The following DPP6 variants were observed in gnomAD, a reference collection of about 807,000 sequenced individuals.
DPP6 encodes the protein A-type potassium channel modulatory protein DPP6.
In DPP6, 69 loss-of-function variants were observed where a neutral mutation model predicts 122.6. The observed-to-expected ratio is 0.56, with a 90% CI of 0.46 to 0.69. DPP6 has a LOEUF of 0.69. DPP6 is among the 30% of genes least tolerant of loss of function. The pLI, the probability that DPP6 is intolerant of heterozygous loss-of-function variation, is 0.00. For missense variants in DPP6, 928 were observed against 1,116.9 expected (o/e 0.83, Z 2.41); for synonymous variants, 418 against 433.1 (o/e 0.97, Z 0.43).
chr7:154,798,264 C>T (rs1798161801), intron 12 of DPP6, among the ~76,000 whole-genome samples: 1 of 152,208 alleles, frequency 6.6e-6, no homozygotes, highest in Non-Finnish European at 1.5e-5. Context: ...ACTTCATTAG[C>T]TCTACAGAGT....
chr7:154,596,683 G>A (rs1833114415), intron 5 of DPP6, among the ~76,000 whole-genome samples: 1 of 152,186 alleles, frequency 6.6e-6, no homozygotes, highest in Non-Finnish European at 1.5e-5. Context: ...CCAGAGGAGA[G>A]GAGCATTGAA....
chr7:154,305,362 C>CCCCCAAA, intron 1 of DPP6: 1 of 1,066,398 alleles, frequency 9.4e-7, no homozygotes, highest in Non-Finnish European at 1.1e-6. Context: ...CCATCCTCCC[C>CCCCCAAA]AAAATAGCCT....
chr7:154,450,537 T>C (rs1820268303), intron 2 of DPP6, among the ~76,000 whole-genome samples: 2 of 145,060 alleles, frequency 1.4e-5, no homozygotes, highest in South Asian at 4.4e-4. Flanking sequence ...TAAAAACTTG[T>C]GTAACTCCAA....
chr7:154,390,655 C>A (rs1563591602), intron 1 of DPP6, among the ~76,000 whole-genome samples: 1 of 152,094 alleles, frequency 6.6e-6, no homozygotes, highest in East Asian at 1.9e-4. Flanking sequence ...GAACCTGGAC[C>A]CTTCAAAGAG....
intron 1 of DPP6, among the ~76,000 whole-genome samples, chr7:154,172,362 T>G (rs1563275710): frequency 6.6e-6 from 1 of 152,172 alleles, no homozygotes; most frequent in Non-Finnish European, 1.5e-5. Flanking sequence ...AAATGTGACT[T>G]GAGCAGCCTG....
chr7:154,388,340 A>G (rs897500585), intron 1 of DPP6, among the ~76,000 whole-genome samples: 2 of 152,322 alleles, frequency 1.3e-5, no homozygotes, highest in Admixed American at 1.3e-4. Context: ...GGTTTAAACA[A>G]TTATCTAAAC....
In DPP6 at chr7:154,052,461, G is replaced by A. The variant is rs1258490457; in HGVS notation, c.-360G>A. 1.5e-5 allele frequency: 4 copies of A among 264,246 alleles called. No homozygotes were observed. In the East Asian group the frequency reaches 4.9e-4, roughly 33 times the overall value. The allele number at this position is 264,246 out of a possible 1,614,324, so 16.4% of individuals were successfully genotyped here. On this transcript the variant is annotated 5_prime_UTR_variant, in exon 1 of 26. The change abolishes an upstream ATG in the 5' untranslated region. Transcript: ENST00000377770. The surrounding 1 kb of genome is among the most constrained non-coding windows in gnomAD (Gnocchi z 4.8). ...GGCCTAGGCATTTCCCTCGCTTTAT[G>A]TTTTTGGTTTTTTTTCTTCCTTCAA... is the stretch of plus-strand genomic sequence containing the variant.
intron 3 of DPP6, among the ~76,000 whole-genome samples, chr7:154,496,644 A>G (rs1367453103): frequency 6.6e-6 from 1 of 152,220 alleles, no homozygotes; most frequent in Non-Finnish European, 1.5e-5. Context: ...CCTCTTCAAC[A>G]GAAAGGGGAA....
intron 1 of DPP6, among the ~76,000 whole-genome samples, chr7:154,336,588 A>G (rs1265150180): frequency 6.6e-6 from 1 of 152,180 alleles, no homozygotes; most frequent in African/African-American, 2.4e-5. Context: ...ACCTTGGAGT[A>G]TGATTCAAAG....
intron 8 of DPP6, among the ~76,000 whole-genome samples, chr7:154,737,448 A>G (rs545852695): frequency 3.3e-5 from 5 of 152,312 alleles, no homozygotes; most frequent in African/African-American, 1.2e-4. Context: ...AATAGTTGAT[A>G]TGCTGTATTT....
chr7:154,385,056 T>C (rs948063242), intron 1 of DPP6, among the ~76,000 whole-genome samples: 3 of 152,174 alleles, frequency 2.0e-5, no homozygotes, highest in East Asian at 1.9e-4. Flanking sequence ...CGGCAAGCTC[T>C]GCCTCCCAGG....
chr7:153,882,107 G>A (rs1798774560), upstream of DPP6, among the ~76,000 whole-genome samples: 1 of 152,198 alleles, frequency 6.6e-6, no homozygotes. Context: ...ATGATTGAGA[G>A]AAGCTAAAAA....
chr7:154,640,409 C>T (rs11765542), intron 6 of DPP6, among the ~76,000 whole-genome samples: 9,289 of 152,226 alleles, frequency 0.061, 357 homozygotes, highest in Non-Finnish European at 0.082. Context: ...TATTGGAAAA[C>T]AACCTCTGGG....
rs114015421 is a variant in DPP6 at position 154,517,271 on chromosome 7, C to T, written c.458-23261C>T. On this transcript the variant is annotated intron_variant, in intron 3 of 25. Coordinates refer to ENST00000377770, the MANE Select transcript of DPP6 (RefSeq NM_130797.4). ...TCAAGGGAAAGGAACAAAATCAGAT[C>T]CCAGTTGTAACACTCATTGCAGCAT... Among the ~76,000 whole-genome samples, 782 of 152,254 alleles carry T rather than the reference C, an allele frequency of 5.1e-3. 9 individuals are homozygous for T. Among genetic ancestry groups the T allele is most frequent in the African/African-American group, 0.017 (723 of 41,540 alleles).
rs190038042 is a variant in DPP6 at position 154,347,175 on chromosome 7, T to G, written c.244-99039T>G. Among the ~76,000 whole-genome samples, 30 of 152,354 alleles carry G rather than the reference T, an allele frequency of 2.0e-4. No individual in the cohort carries two copies. The East Asian group carries it at 5.6e-3, about 28-fold the overall frequency. On this transcript the variant is annotated intron_variant, in intron 1 of 25. Coordinates refer to ENST00000377770, the MANE Select transcript of DPP6 (RefSeq NM_130797.4). ...CATGTAACGTACAGGAGACCTGTTC[T>G]TAGCATTTACCATTATCCTTCCAGT...
At chr7:154,309,073 C>T (rs902982803) in intron 1 of DPP6, among the ~76,000 whole-genome samples, 1 of 152,228 alleles carries the variant, frequency 6.6e-6, no homozygotes, top group African/African-American at 2.4e-5. Flanking sequence ...AGTTCATGCT[C>T]TCGTGCTGAG....
the DPP6 span, among the ~76,000 whole-genome samples, chr7:153,766,736 C>T: frequency 6.6e-6 from 1 of 151,946 alleles, no homozygotes; most frequent in Non-Finnish European, 1.5e-5. Context: ...GAGGCAACCT[C>T]GCTAGAATCA....
chr7:154,648,098 A>AC (rs1836616015), intron 6 of DPP6, among the ~76,000 whole-genome samples: 1 of 151,522 alleles, frequency 6.6e-6, no homozygotes, highest in South Asian at 2.1e-4. Context: ...TAAAATTAAA[A>AC]AAAAAAAAAA....
chr7:154,573,217 G>A lies in DPP6; in HGVS notation c.627+6301G>A, dbSNP rs1332106635. Among the ~76,000 whole-genome samples the A allele has an allele frequency of 2.0e-5, 3 of 152,120 alleles. No homozygotes were observed. The East Asian group carries it at 5.8e-4, about 29-fold the overall frequency. ...CAGTTGATCCAAGCGTTTTCTGCTG[G>A]ACGAAGGCCTTGCACATTCTCATGT... On this transcript the variant is annotated intron_variant, in intron 5 of 25. Transcript: ENST00000377770.
Sources: allele counts gnomAD v4.1 joint callset (sites outside exome capture counted in the v4.1 genomes callset), GRCh38; gene constraint gnomAD v4.1.1; non-coding constraint Gnocchi (gnomAD v3.1); transcripts MANE v1.5; gene names NCBI Gene and HGNC (gene_info 2026-07-23, HGNC 2026-07-21).